The following C1QTNF7 variants were observed in gnomAD, a reference collection of about 807,000 sequenced individuals.
C1QTNF7 encodes the protein complement C1q tumor necrosis factor-related protein 7.
A neutral mutation model predicts 19.6 loss-of-function variants in C1QTNF7; 15 were observed. The ratio of observed to expected loss-of-function variants is 0.76; its 90% CI spans 0.51 to 1.18. The LOEUF is 1.18. Ranked by LOEUF, C1QTNF7 falls within the 50% of genes most tolerant of loss-of-function variation. The pLI is 0.00. For synonymous variants in C1QTNF7, 142 were observed against 137.5 expected, an observed-to-expected ratio of 1.03 and a Z score of -0.23; for missense variants, 324 against 359.7, an observed-to-expected ratio of 0.90 and a Z score of 0.80.
intron 1 of C1QTNF7, among the ~76,000 whole-genome samples, chr4:15,428,523 G>A (rs1238725848): frequency 6.6e-6 from 1 of 151,944 alleles, no homozygotes; most frequent in East Asian, 1.9e-4. Flanking sequence ...CTCTGTCCTA[G>A]AGTTTGCATT....
At chr4:15,363,347 G>C (rs767651507) in intron 1 of C1QTNF7, among the ~76,000 whole-genome samples, 1 of 151,738 alleles carries the variant, frequency 6.6e-6, no homozygotes, top group Non-Finnish European at 1.5e-5. Flanking sequence ...CGAAAACTTT[G>C]TGGTCATAAG....
intron 1 of C1QTNF7, among the ~76,000 whole-genome samples, chr4:15,404,708 G>A (rs957381219): frequency 6.6e-6 from 1 of 152,152 alleles, no homozygotes; most frequent in African/African-American, 2.4e-5. Flanking sequence ...CTGCGGTAGG[G>A]TTGTCATTTT....
At chr4:15,396,363 G>A (rs1337290366) in intron 1 of C1QTNF7, among the ~76,000 whole-genome samples, 1 of 152,160 alleles carries the variant, frequency 6.6e-6, no homozygotes, top group African/African-American at 2.4e-5. Flanking sequence ...TGACACAGAG[G>A]ACCATAAAAT....
chr4:15,392,407 G>A (rs932141841), intron 1 of C1QTNF7, among the ~76,000 whole-genome samples: 4 of 152,206 alleles, frequency 2.6e-5, no homozygotes, highest in Non-Finnish European at 5.9e-5. Flanking sequence ...AACTGCCAGT[G>A]TGTGAACCAA....
chr4:15,376,268 G>A (rs551548081), intron 1 of C1QTNF7, among the ~76,000 whole-genome samples: 3 of 152,346 alleles, frequency 2.0e-5, no homozygotes, highest in East Asian at 1.9e-4. Context: ...ACTGCGTAAC[G>A]AAATAGAAGG....
At chr4:15,403,515 T>C (rs1263438479) in intron 1 of C1QTNF7, among the ~76,000 whole-genome samples, 1 of 152,202 alleles carries the variant, frequency 6.6e-6, no homozygotes, top group Non-Finnish European at 1.5e-5. Flanking sequence ...TCTGGGATCG[T>C]AGGCACAACA....
At chr4:15,354,350 G>A (rs1390164888) in intron 1 of C1QTNF7, among the ~76,000 whole-genome samples, 1 of 152,106 alleles carries the variant, frequency 6.6e-6, no homozygotes, top group African/African-American at 2.4e-5. Context: ...GAAGGAAATG[G>A]GATGCCATCA....
At chr4:15,429,729 C>T (rs970359992) in intron 1 of C1QTNF7, among the ~76,000 whole-genome samples, 4 of 152,126 alleles carry the variant, frequency 2.6e-5, no homozygotes, top group Non-Finnish European at 5.9e-5. Flanking sequence ...CTTGCTGCTA[C>T]GAACATGCAT....
chr4:15,341,743 C>A (rs1307573414), intron 1 of C1QTNF7, among the ~76,000 whole-genome samples: 1 of 152,222 alleles, frequency 6.6e-6, no homozygotes, highest in Non-Finnish European at 1.5e-5. Flanking sequence ...GTCGGGGAAG[C>A]CCCCACCCTA....
intron 2 of C1QTNF7, among the ~76,000 whole-genome samples, chr4:15,439,959 A>G (rs1213726570): frequency 1.3e-5 from 2 of 151,652 alleles, no homozygotes; most frequent in African/African-American, 4.8e-5. Flanking sequence ...CGTGAATGTC[A>G]TATACAAAAT....
chr4:15,434,756 T>C (rs1436910342), intron 1 of C1QTNF7, among the ~76,000 whole-genome samples: 2 of 152,122 alleles, frequency 1.3e-5, no homozygotes, highest in African/African-American at 4.8e-5. Context: ...GGGAGTCCTA[T>C]TAGATCAGAA....
chr4:15,363,020 C>A (rs776521672), intron 1 of C1QTNF7, among the ~76,000 whole-genome samples: 2 of 152,156 alleles, frequency 1.3e-5, no homozygotes, highest in Non-Finnish European at 2.9e-5. Context: ...AGAATTTGAA[C>A]CTGGGTTCCC....
chr4:15,387,537 A>G (rs1050188835), intron 1 of C1QTNF7, among the ~76,000 whole-genome samples: 2 of 152,146 alleles, frequency 1.3e-5, no homozygotes, highest in Non-Finnish European at 2.9e-5. Flanking sequence ...AAACCAAGAG[A>G]CAGTGGTTTC....
At chr4:15,369,487 G>C (rs1340566847) in intron 1 of C1QTNF7, among the ~76,000 whole-genome samples, 1 of 152,164 alleles carries the variant, frequency 6.6e-6, no homozygotes, top group African/African-American at 2.4e-5. Context: ...CTTCAAGAAT[G>C]ATAGCTTAGC....
At position 15,346,067 on chromosome 4, in the gene C1QTNF7, A is replaced by G. The variant is rs112723526; in HGVS notation, c.13+5860A>G. ...ACTTTTGACTAATCCTTCAGTCATT[A>G]TTTCCAACTAAAGTGTATTTTAAAT... On this transcript the variant is annotated intron_variant, in intron 1 of 2. Coordinates refer to the C1QTNF7 transcript ENST00000295297. Among the ~76,000 whole-genome samples the G allele has an allele frequency of 1.6e-4, 25 of 152,302 alleles. 1 individual carries two copies. Among genetic ancestry groups the G allele is most frequent in the African/African-American group, 5.8e-4 (24 of 41,574 alleles).
chr4:15,353,975 G>A (rs181244148), intron 1 of C1QTNF7, among the ~76,000 whole-genome samples: 3 of 152,222 alleles, frequency 2.0e-5, no homozygotes, highest in East Asian at 3.9e-4. Flanking sequence ...TGTGTTGTGG[G>A]AATCCACAAC....
chr4:15,416,928 T>G (rs1040736260), intron 1 of C1QTNF7, among the ~76,000 whole-genome samples: 5 of 152,232 alleles, frequency 3.3e-5, no homozygotes, highest in Non-Finnish European at 5.9e-5. Flanking sequence ...GCTTGTCTAT[T>G]GCATTCTCTC....
At chr4:15,352,932 T>A (rs1304403314) in intron 1 of C1QTNF7, among the ~76,000 whole-genome samples, 2 of 152,200 alleles carry the variant, frequency 1.3e-5, no homozygotes, top group Non-Finnish European at 2.9e-5. Context: ...CAAGCAATAT[T>A]TTCCTCCTAA....
chr4:15,354,539 C>T (rs1015536734), intron 1 of C1QTNF7, among the ~76,000 whole-genome samples: 5 of 152,004 alleles, frequency 3.3e-5, no homozygotes, highest in Non-Finnish European at 7.4e-5. Flanking sequence ...AGCTCAGCTG[C>T]GCTCTGTCCT....
Sources: gnomAD v4.1 joint callset for allele counts (sites outside exome capture counted in the v4.1 genomes callset) on GRCh38, gnomAD v4.1.1 for gene constraint, MANE v1.5 for transcripts, NCBI Gene and HGNC (gene_info 2026-07-23, HGNC 2026-07-21) for gene names.